Variants in TM2D3 observed in about 807,000 individuals in gnomAD.
TM2D3 encodes the protein TM2 domain-containing protein 3.
TM2D3 carries 33 observed loss-of-function variants against 27.3 expected under a neutral mutation model. The ratio of observed to expected loss-of-function variants is 1.21; its 90% CI spans 0.92 to 1.61. The LOEUF (loss-of-function observed/expected upper bound fraction) is 1.61. Ranked by LOEUF, TM2D3 falls within the 40% of genes most tolerant of loss-of-function variation. TM2D3 has a pLI of 0.00. For missense variants in TM2D3, 364 were observed against 320.8 expected (o/e 1.13, Z -1.03); for synonymous variants, 138 against 122.2 (o/e 1.13, Z -0.85).
chr15:101,652,219 G>C, intron 1 of TM2D3, 52 bp downstream of exon 1: 1 of 1,520,288 alleles, frequency 6.6e-7, no homozygotes. Context: ...CAGCTCCCGG[G>C]GCCCTGCTGC....
rs1233993767 is a variant in TM2D3, at chr15:101,645,031, C to T, written c.578+56G>A. ...GACTGAGCTCAATGTCTGAAGATTC[C>T]ACCAATCCCAAAGAAATGCAAACGG... On this transcript the variant is annotated intron_variant, in intron 5 of 5. Transcript: ENST00000333202. The T allele has an allele frequency of 1.2e-5, 17 of 1,476,606 alleles. 1 individual carries two copies. The African/African-American group carries it at 1.4e-4, about 12-fold the overall frequency. 91.5% of individuals were successfully genotyped at this position (1,476,606 alleles called of 1,614,324 possible).
intron 5 of TM2D3, among the ~76,000 whole-genome samples, chr15:101,643,960 C>G (rs555693430): frequency 2.0e-5 from 3 of 152,006 alleles, no homozygotes; most frequent in South Asian, 4.1e-4. Flanking sequence ...AGTGATCTTC[C>G]CATTGCAGCC....
chr15:101,636,966 C>A, downstream of TM2D3: 3 of 410,014 alleles, frequency 7.3e-6, no homozygotes, highest in African/African-American at 2.1e-5. Flanking sequence ...TTATTCCGAA[C>A]CAAATATGAG....
chr15:101,650,077 G>T lies in TM2D3; in HGVS notation c.254C>A (p.Thr85Lys). Residue 85 changes from threonine (T) to lysine (K), a missense_variant, in exon 3 of 6, where the codon ACA becomes AAA. By Grantham distance (78) the Thr-to-Lys change is moderately conservative. Transcript: ENST00000333202. ...SRLPADCIDC[T>K]TNFSCTYGKP... ...CCCATAGGTACAGGAGAAATTTGTT[G>T]TGCAGTCTATACAGTCTGCAGGAAG... The T allele has an allele frequency of 6.2e-7, 1 of 1,614,068 alleles. No individual in the cohort carries two copies.
chr15:101,644,634 TAACA>T (rs1468763662), intron 5 of TM2D3, among the ~76,000 whole-genome samples: 1 of 152,222 alleles, frequency 6.6e-6, no homozygotes, highest in African/African-American at 2.4e-5. Context: ...TTGAGAAGTT[TAACA>T]AACAGCACAT....
chr15:101,642,348 C>A lies in TM2D3; in HGVS notation c.*131G>T. 7.4e-7 allele frequency: 1 copy of A among 1,346,732 alleles called. No homozygotes were observed. Among genetic ancestry groups the A allele is most frequent in the Non-Finnish European group, 9.6e-7 (1 of 1,045,734 alleles). 83.4% of individuals were successfully genotyped at this position (1,346,732 alleles called of 1,614,324 possible). ...TAGTTCAGCGTTTCATTTATCTTAC[C>A]TTTATCAAGGCAAACAAAGTACAGA... On this transcript the variant is annotated 3_prime_UTR_variant, in exon 6 of 6. Coordinates refer to ENST00000333202, the MANE Select transcript of TM2D3 (RefSeq NM_078474.3).
chr15:101,646,893 C>G lies in TM2D3; in HGVS notation c.334G>C (p.Asp112His). 1 of 1,614,156 alleles carries G rather than the reference C, an allele frequency of 6.2e-7. No individual in the cohort carries two copies. Among genetic ancestry groups the G allele is most frequent in the Non-Finnish European group, 8.5e-7 (1 of 1,180,016 alleles). ...VKPSVTCVDQ[D>H]FKSQKNFIIN... ...ATGAAGTTCTTTTGGGATTTGAAGT[C>G]TTGATCCTATGTAGCAAATGACACA... The change falls in exon 4 of 6, where the codon GAC becomes CAC. Residue 112 changes from aspartate (D) to histidine (H), a missense_variant. Asp to His is a moderately conservative substitution (Grantham distance 81). Coordinates refer to ENST00000333202, the MANE Select transcript of TM2D3 (RefSeq NM_078474.3).
At chr15:101,648,366 T>C (rs758813569) in intron 3 of TM2D3, 3 of 152,250 alleles carry the variant, frequency 2.0e-5, no homozygotes, top group South Asian at 2.1e-4. Context: ...CATTCAAATA[T>C]GGGTAAGGCA....
exon 5 of TM2D3, chr15:101,633,668 A>T: frequency 6.5e-7 from 1 of 1,532,028 alleles, no homozygotes; most frequent in Non-Finnish European, 8.7e-7. Context: ...CACCTTTTTC[A>T]GGGTGATGTC....
chr15:101,651,453 A>C (rs1458665945), intron 2 of TM2D3: 2 of 477,816 alleles, frequency 4.2e-6, no homozygotes, highest in Non-Finnish European at 7.4e-6. Flanking sequence ...AAATAATAGA[A>C]ATAAGGTGAC....
At chr15:101,651,832 T>G in intron 1 of TM2D3, 59 bp from the exon 2 acceptor site, 1 of 1,574,342 alleles carries the variant, frequency 6.4e-7, no homozygotes, top group South Asian at 1.1e-5. Flanking sequence ...GAAAACCTTA[T>G]TTTGTGTGGT....
intron 5 of TM2D3, among the ~76,000 whole-genome samples, chr15:101,644,012 G>C (rs1214443428): frequency 6.6e-6 from 1 of 151,984 alleles, no homozygotes; most frequent in Non-Finnish European, 1.5e-5. Flanking sequence ...ACGATGGCAG[G>C]CTTTTGTATT....
At position 101,651,933 on chromosome 15, in the gene TM2D3, TCAA is replaced by T. The variant is rs965712987; in HGVS notation, c.92-163_92-161del. ...AAACACAAAGCTTAGGGACGAAACG[TCAA>T]CAGAGTAGACATCAGTTCAGGTCAG... is the stretch of plus-strand genomic sequence containing the variant. On this transcript the variant is annotated intron_variant, in intron 1 of 5. Coordinates refer to ENST00000333202, the MANE Select transcript of TM2D3 (RefSeq NM_078474.3). The T allele has an allele frequency of 4.1e-5, 30 of 725,420 alleles. No homozygotes were observed. The Admixed American group carries it at 4.4e-4, about 11-fold the overall frequency. The allele number at this position is 725,420 out of a possible 1,614,324, so 44.9% of individuals were successfully genotyped here. A position where few individuals can be genotyped will look rare whatever the true frequency, so the allele number is the denominator to read the frequency against.
Position 101,642,264 on chromosome 15 carries a change from T to C in TM2D3, c.*215A>G. ...TCATTCTCCTGGCTTAAGTACGTTT[T>C]AATTTTTTCACAGAAAAAAATATAT... is the stretch of plus-strand genomic sequence containing the variant. On this transcript the variant is annotated 3_prime_UTR_variant, in exon 6 of 6. Coordinates refer to ENST00000333202, the MANE Select transcript of TM2D3 (RefSeq NM_078474.3). 5 of 1,235,788 alleles carry C rather than the reference T, an allele frequency of 4.0e-6. No individual in the cohort carries two copies. Among genetic ancestry groups the C allele is most frequent in the Non-Finnish European group, 5.1e-6 (5 of 987,794 alleles). 76.6% of individuals were successfully genotyped at this position (1,235,788 alleles called of 1,614,324 possible). A position where few individuals can be genotyped will look rare whatever the true frequency, so the allele number is the denominator to read the frequency against.
At chr15:101,643,878 C>G (rs1896736761) in intron 5 of TM2D3, among the ~76,000 whole-genome samples, 1 of 152,096 alleles carries the variant, frequency 6.6e-6, no homozygotes, top group East Asian at 1.9e-4. Context: ...GAGACAGAAT[C>G]TCACTCTGTC....
At chr15:101,644,496 T>G (rs1425236529) in intron 5 of TM2D3, among the ~76,000 whole-genome samples, 1 of 152,210 alleles carries the variant, frequency 6.6e-6, no homozygotes, top group Non-Finnish European at 1.5e-5. Context: ...GCTGCAGGCC[T>G]CAGGGTCTCA....
chr15:101,646,952 G>T (rs1896830164), intron 3 of TM2D3, 53 bp from the exon 4 acceptor site: 1 of 1,598,330 alleles, frequency 6.3e-7, no homozygotes, highest in African/African-American at 1.3e-5. Context: ...AGTCTGTTAA[G>T]ATGTCAGTAA....
In TM2D3 at chr15:101,642,598, A is replaced by G. The variant is rs1317184013; in HGVS notation, c.625T>C (p.Trp209Arg). The change falls in exon 6 of 6, where the codon TGG (tryptophan) becomes CGG (arginine). Residue 209 changes from tryptophan to arginine, a missense_variant. Coordinates refer to ENST00000333202, the MANE Select transcript of TM2D3 (RefSeq NM_078474.3). ...FGADRFYLGQ[W>R]REGLGKLFSF... is the part of the protein sequence containing the mutation. ...AAGAGCTTGCCGAGGCCTTCCCGCC[A>G]CTGGCCCAGGTAGAAACGGTCTGCT... is the stretch of plus-strand genomic sequence containing the variant. The G allele has an allele frequency of 6.2e-7, 1 of 1,613,176 alleles. No homozygotes were observed. Among genetic ancestry groups the G allele is most frequent in the Non-Finnish European group, 8.5e-7 (1 of 1,179,722 alleles).
At chr15:101,646,179 AG>A (rs1896800929) in intron 4 of TM2D3, 1 of 153,286 alleles carries the variant, frequency 6.5e-6, no homozygotes, top group Non-Finnish European at 1.5e-5. Context: ...AAAGAAGAGA[AG>A]TCACGTGGAT....
Sources: gnomAD v4.1 joint callset for allele counts (sites outside exome capture counted in the v4.1 genomes callset) on GRCh38, gnomAD v4.1.1 for gene constraint, MANE v1.5 for transcripts, NCBI Gene and HGNC (gene_info 2026-07-23, HGNC 2026-07-21) for gene names.